PIK3CG: variants seen among roughly 807,000 people sequenced by gnomAD.
PIK3CG encodes phosphatidylinositol 4,5-bisphosphate 3-kinase catalytic subunit gamma isoform.
In PIK3CG, 55 loss-of-function variants were observed where a neutral mutation model predicts 102.3. The observed-to-expected ratio is 0.54, with a 90% CI of 0.43 to 0.67. The LOEUF (loss-of-function observed/expected upper bound fraction) is 0.67. Ranked by LOEUF, PIK3CG falls within the 30% of genes least tolerant of loss-of-function variation. PIK3CG has a pLI of 0.00. For missense variants in PIK3CG, 1,258 were observed against 1,391.8 expected (o/e 0.90, Z 1.53); for synonymous variants, 552 against 540.0 (o/e 1.02, Z -0.31).
At chr7:106,882,977 CT>C (rs1790987400) in intron 7 of PIK3CG, 55 bp from the exon 8 acceptor site, 1 of 1,556,052 alleles carries the variant, frequency 6.4e-7, no homozygotes, top group African/African-American at 1.4e-5. Flanking sequence ...GCCTTTCCTC[CT>C]CTGGGCCAGG....
At chr7:106,886,933 C>T (rs1791112840) in intron 10 of PIK3CG, among the ~76,000 whole-genome samples, 1 of 151,568 alleles carries the variant, frequency 6.6e-6, no homozygotes, top group Admixed American at 6.6e-5. Context: ...CTTCCCTGGG[C>T]CACATTGGAA....
rs1791605583 is a variant in PIK3CG at position 106,903,275 on chromosome 7, T to C, written c.3031-1834T>C. 6.6e-6 allele frequency among the ~76,000 whole-genome samples: 1 copy of C among 152,124 alleles called. No homozygotes were observed. The highest frequency in any genetic ancestry group is 1.5e-5 in the Non-Finnish European group (1 of 68,008). Reference sequence around the variant, plus strand: ...ATTATTATACTTTTTCAAAATGTTCTCTCAGGCCCTAATTATTTCAGATGA... The same window carrying C: ...ATTATTATACTTTTTCAAAATGTTCCCTCAGGCCCTAATTATTTCAGATGA... On this transcript the variant is annotated intron_variant, in intron 10 of 10. Transcript: ENST00000496166. The surrounding 1 kb of genome is among the most constrained non-coding windows in gnomAD (Gnocchi z 4.3).
In PIK3CG at chr7:106,905,286, G is replaced by C. The variant is rs1791658862; in HGVS notation, c.3208G>C (p.Asp1070His). The change falls in exon 11 of 11, where the codon GAT becomes CAT. Residue 1070 changes from aspartate (D) to histidine (H), a missense_variant. Physicochemically the swap from Asp to His is moderately conservative, Grantham distance 81. Transcript: ENST00000496166. The surrounding 1 kb of genome is among the most constrained non-coding windows in gnomAD (Gnocchi z 5.6). ...GGAGGATGCTAAAAAGTATTTTCTT[G>C]ATCAGATCGAAGTTTGCAGAGACAA... ...NEEDAKKYFL[D>H]QIEVCRDKGW... 1 of 1,614,088 alleles carries C rather than the reference G, an allele frequency of 6.2e-7. No homozygotes were observed. The highest frequency in any genetic ancestry group is 1.3e-5 in the African/African-American group (1 of 75,046).
At position 106,877,845 on chromosome 7, in the gene PIK3CG, G is replaced by A. The variant is rs765610807; in HGVS notation, c.2392-1674G>A. Among the ~76,000 whole-genome samples the A allele has an allele frequency of 4.6e-5, 7 of 151,846 alleles. No homozygotes were observed. The highest frequency in any genetic ancestry group is 2.1e-4 in the South Asian group (1 of 4,822). ...CAACAGTATACTTCCATTAACCCCC[G>A]CATCCTTTGCATTATTTTTATTATG... On this transcript the variant is annotated intron_variant, in intron 5 of 10. Coordinates refer to ENST00000496166, the MANE Select transcript of PIK3CG (RefSeq NM_001282426.2). This position sits in a 1 kb window ranked among gnomAD's most constrained non-coding sequence, Gnocchi z 4.5.
At chr7:106,881,150 G>A (rs1790919283) in intron 6 of PIK3CG, among the ~76,000 whole-genome samples, 1 of 152,084 alleles carries the variant, frequency 6.6e-6, no homozygotes, top group African/African-American at 2.4e-5. Context: ...AAGACACCAT[G>A]ACAATTGCCA....
At position 106,872,496 on chromosome 7, in the gene PIK3CG, T is replaced by C. The variant is rs998857337; in HGVS notation, c.1996-41T>C. 4 of 1,494,234 alleles carry C rather than the reference T, an allele frequency of 2.7e-6. No individual in the cohort carries two copies. Among genetic ancestry groups the C allele is most frequent in the Non-Finnish European group, 3.7e-6 (4 of 1,071,606 alleles). The allele number at this position is 1,494,234 out of a possible 1,614,324, so 92.6% of individuals were successfully genotyped here. ...TTTCCTTTTCCCTGATTCAACGACATAGAGTACAGTCCTACAAATGCCAAT... is the reference window on the plus strand; with the variant it reads ...TTTCCTTTTCCCTGATTCAACGACACAGAGTACAGTCCTACAAATGCCAAT... On this transcript the variant is annotated intron_variant, in intron 2 of 10. Transcript: ENST00000496166. This position sits in a 1 kb window ranked among gnomAD's most constrained non-coding sequence, Gnocchi z 5.3.
intron 10 of PIK3CG, among the ~76,000 whole-genome samples, chr7:106,887,573 T>G (rs1412483825): frequency 6.6e-6 from 1 of 152,186 alleles, no homozygotes; most frequent in East Asian, 1.9e-4. Flanking sequence ...TCCAGTGGTG[T>G]TGTCAGAGAA....
rs554656078 is a variant in PIK3CG at position 106,903,025 on chromosome 7, T to C, written c.3031-2084T>C. Among the ~76,000 whole-genome samples the C allele has an allele frequency of 6.6e-6, 1 of 152,286 alleles. No homozygotes were observed. The highest frequency in any genetic ancestry group is 2.4e-5 in the African/African-American group (1 of 41,570). On this transcript the variant is annotated intron_variant, in intron 10 of 10. Transcript: ENST00000496166. This position sits in a 1 kb window ranked among gnomAD's most constrained non-coding sequence, Gnocchi z 4.3. ...TTTCTCCCCCAAATGATGAGCCACT[T>C]GTCCTGGTCCCATTTATCAAATAAT...
intron 10 of PIK3CG, among the ~76,000 whole-genome samples, chr7:106,888,777 A>T (rs557334774): frequency 2.0e-5 from 3 of 152,356 alleles, no homozygotes; most frequent in South Asian, 4.1e-4. Flanking sequence ...CAGCATAACA[A>T]GGTGGTTGAA....
Position 106,906,180 on chromosome 7 carries a change from CT to C in PIK3CG, c.*798del. ...TTTATGCCTGACATTTCTTCCCTTC[CT>C]TTTTCCCTGCCTCCCTTTTTCATCA... On this transcript the variant is annotated 3_prime_UTR_variant, in exon 11 of 11. Transcript: ENST00000496166. The C allele has an allele frequency of 4.4e-6, 1 of 228,972 alleles. No homozygotes were observed. 14.2% of individuals were successfully genotyped at this position (228,972 alleles called of 1,614,324 possible). A position where few individuals can be genotyped will look rare whatever the true frequency, so the allele number is the denominator to read the frequency against.
chr7:106,907,048 G>T lies in PIK3CG; in HGVS notation c.*1661G>T. The T allele has an allele frequency of 4.9e-6, 1 of 202,154 alleles. No homozygotes were observed. The highest frequency in any genetic ancestry group is 1.0e-5 in the Non-Finnish European group (1 of 98,322). The allele number at this position is 202,154 out of a possible 1,614,324, so 12.5% of individuals were successfully genotyped here. ...AGGCAGGAGGATTGCCTGAGCCCAG[G>T]AGGTGGAAACTGCAGAGAGTCATGA... On this transcript the variant is annotated 3_prime_UTR_variant, in exon 11 of 11. Coordinates refer to ENST00000496166, the MANE Select transcript of PIK3CG (RefSeq NM_001282426.2).
At position 106,883,089 on chromosome 7, in the gene PIK3CG, G is replaced by A. The variant is rs2116544703; in HGVS notation, c.2686G>A (p.Val896Met). The part of the protein sequence containing the change: ...TTIAKIQQST[V>M]GNTGAFKDEV... ...AATTGCCAAAATTCAGCAAAGCACA[G>A]TGGGCAACACGGGAGCATTTAAAGA... Residue 896 changes from valine to methionine, a missense_variant, in exon 8 of 11, where the codon GTG becomes ATG. By Grantham distance (21) the Val-to-Met change is conservative. Coordinates refer to ENST00000496166, the MANE Select transcript of PIK3CG (RefSeq NM_001282426.2). The surrounding 1 kb of genome is among the most constrained non-coding windows in gnomAD (Gnocchi z 5.8). The A allele has an allele frequency of 6.2e-7, 1 of 1,614,126 alleles. No individual in the cohort carries two copies. Among genetic ancestry groups the A allele is most frequent in the Non-Finnish European group, 8.5e-7 (1 of 1,179,984 alleles).
At chr7:106,878,866 T>G (rs1162001392) in intron 5 of PIK3CG, among the ~76,000 whole-genome samples, 1 of 152,238 alleles carries the variant, frequency 6.6e-6, no homozygotes, top group African/African-American at 2.4e-5. Context: ...TTGTGTTTGC[T>G]TCTTTAAATG....
intron 10 of PIK3CG, among the ~76,000 whole-genome samples, chr7:106,901,501 C>A (rs866666590): frequency 8.5e-5 from 13 of 152,292 alleles, no homozygotes; most frequent in South Asian, 6.2e-4. Context: ...TGGGTTTTGC[C>A]ATCCTCCTGA....
At chr7:106,886,600 G>C (rs113543702) in intron 10 of PIK3CG, among the ~76,000 whole-genome samples, 1 of 152,182 alleles carries the variant, frequency 6.6e-6, no homozygotes, top group Admixed American at 6.5e-5. Context: ...TTCAGGAAGG[G>C]TGTCTGCTGA....
chr7:106,867,111 T>C lies in PIK3CG; in HGVS notation c.-12-439T>C, dbSNP rs1790312434. 6.6e-6 allele frequency among the ~76,000 whole-genome samples: 1 copy of C among 152,236 alleles called. No homozygotes were observed. Among genetic ancestry groups the C allele is most frequent in the Non-Finnish European group, 1.5e-5 (1 of 68,040 alleles). ...TATGTTTCAGTATGTTTAAGAACAA[T>C]GTCCATTCTGAGCCATTATAATGTG... On this transcript the variant is annotated intron_variant, in intron 1 of 10. Coordinates refer to ENST00000496166, the MANE Select transcript of PIK3CG (RefSeq NM_001282426.2). The surrounding 1 kb of genome is among the most constrained non-coding windows in gnomAD (Gnocchi z 5.1).
rs879112342 is a variant in PIK3CG, at chr7:106,868,965, G to C, written c.1404G>C (p.Leu468=). The C allele has an allele frequency of 1.9e-6, 3 of 1,614,136 alleles. No individual in the cohort carries two copies. Among genetic ancestry groups the C allele is most frequent in the Non-Finnish European group, 2.5e-6 (3 of 1,180,020 alleles). The part of the protein sequence containing the change: ...VQLLYYVNLL[L]IDHRFLLRRG... ...TTCTCTATTATGTGAACCTGCTGCT[G>C]ATAGACCACCGTTTCCTCCTGCGCC... Residue 468 remains leucine (L), a synonymous_variant, in exon 2 of 11, where the codon CTG becomes CTC. Transcript: ENST00000496166. The surrounding 1 kb of genome is among the most constrained non-coding windows in gnomAD (Gnocchi z 6.2).
Position 106,877,422 on chromosome 7 carries a change from G to A in PIK3CG, c.2392-2097G>A, listed in dbSNP as rs1008690740. 1.3e-5 allele frequency among the ~76,000 whole-genome samples: 2 copies of A among 152,172 alleles called. No individual in the cohort carries two copies. The highest frequency in any genetic ancestry group is 4.8e-5 in the African/African-American group (2 of 41,444). ...CTATCCACCCCAAAATGGCAACAGT[G>A]CCAAGGTTAAGAAATTCTGGTTTAA... On this transcript the variant is annotated intron_variant, in intron 5 of 10. Coordinates refer to ENST00000496166, the MANE Select transcript of PIK3CG (RefSeq NM_001282426.2). The surrounding 1 kb of genome is among the most constrained non-coding windows in gnomAD (Gnocchi z 4.5).
In PIK3CG at chr7:106,868,668, T is replaced by A. The variant is rs951694513; in HGVS notation, c.1107T>A (p.Asp369Glu). The part of the protein sequence containing the change: ...RKFRVKIRGI[D>E]IPVLPRNTDL... ...TCAGGGTCAAGATCAGAGGCATTGA[T>A]ATCCCCGTCCTGCCTCGGAACACCG... Residue 369 changes from aspartate to glutamate, a missense_variant, in exon 2 of 11, where the codon GAT (aspartate) becomes GAA (glutamate). By Grantham distance (45) the Asp-to-Glu change is conservative. Coordinates refer to ENST00000496166, the MANE Select transcript of PIK3CG (RefSeq NM_001282426.2). The surrounding 1 kb of genome is among the most constrained non-coding windows in gnomAD (Gnocchi z 6.2). The A allele has an allele frequency of 2.1e-5, 34 of 1,614,104 alleles. No homozygotes were observed. The Admixed American group carries it at 3.2e-4, about 15-fold the overall frequency.
Sources: gnomAD v4.1 joint callset for allele counts (sites outside exome capture counted in the v4.1 genomes callset) on GRCh38, gnomAD v4.1.1 for gene constraint, Gnocchi (gnomAD v3.1) non-coding constraint, MANE v1.5 for transcripts, NCBI Gene and HGNC (gene_info 2026-07-23, HGNC 2026-07-21) for gene names.